SIRT2: variants seen among roughly 807,000 people sequenced by gnomAD.
The protein encoded by SIRT2 is sirtuin 2, also known as NAD-dependent protein deacetylase sirtuin-2.
In SIRT2, 40 loss-of-function variants were observed where a neutral mutation model predicts 57.4. That is an observed-to-expected ratio of 0.70 (90% CI 0.54 to 0.91). The LOEUF (loss-of-function observed/expected upper bound fraction) is 0.91. Ranked by LOEUF, SIRT2 falls within the 40% of genes least tolerant of loss-of-function variation. The pLI, the probability that SIRT2 is intolerant of heterozygous loss-of-function variation, is 0.00. For synonymous variants in SIRT2, 161 were observed against 195.7 expected, an observed-to-expected ratio of 0.82 and a Z score of 1.48; for missense variants, 439 against 510.4, an observed-to-expected ratio of 0.86 and a Z score of 1.35.
At position 38,885,592 on chromosome 19, in the gene SIRT2, A is replaced by ATTT. The variant is rs35779731; in HGVS notation, c.502-1839_502-1837dup. ...CAGGCACCCGCCACCATGCGTGGCT[A>ATTT]TTTTTTTTTTTTTTTTTGAGACGGA... On this transcript the variant is annotated intron_variant, in intron 8 of 15. Coordinates refer to ENST00000249396, the MANE Select transcript of SIRT2 (RefSeq NM_012237.4). 6.5e-4 allele frequency among the ~76,000 whole-genome samples: 80 copies of ATTT among 122,454 alleles called. 1 individual carries two copies. Among genetic ancestry groups the ATTT allele is most frequent in the Admixed American group, 1.2e-3 (13 of 11,172 alleles). 80.3% of individuals were successfully genotyped at this position (122,454 alleles called of 152,430 possible). A position where few individuals can be genotyped will look rare whatever the true frequency, so the allele number is the denominator to read the frequency against.
chr19:38,893,562 G>T, intron 3 of SIRT2, 35 bp from the exon 4 acceptor site: 1 of 1,482,374 alleles, frequency 6.7e-7, no homozygotes, highest in South Asian at 1.1e-5. Context: ...GGCAGGACGG[G>T]CATTCAGCCA....
intron 2 of SIRT2, among the ~76,000 whole-genome samples, chr19:38,895,827 C>CT (rs1180212672): frequency 6.6e-6 from 1 of 152,150 alleles, no homozygotes; most frequent in Non-Finnish European, 1.5e-5. Context: ...AATCCCAACA[C>CT]TTTGGGAGGC....
At chr19:38,895,945 G>A (rs1973702725) in intron 2 of SIRT2, among the ~76,000 whole-genome samples, 1 of 152,158 alleles carries the variant, frequency 6.6e-6, no homozygotes, top group Non-Finnish European at 1.5e-5. Flanking sequence ...GGTGGCACGT[G>A]TCTGTAGTCC....
chr19:38,899,539 C>T lies in SIRT2; in HGVS notation c.-18G>A. On this transcript the variant is annotated 5_prime_UTR_variant, in exon 1 of 16. Transcript: ENST00000249396. Reference sequence around the variant, plus strand: ...TCTGCCATGGGCGCGGTGCTGAAGCCCTTGAGGCTGTCACCGACCGCTCTG... The same window carrying T: ...TCTGCCATGGGCGCGGTGCTGAAGCTCTTGAGGCTGTCACCGACCGCTCTG... 1 of 1,613,830 alleles carries T rather than the reference C, an allele frequency of 6.2e-7. No homozygotes were observed. The highest frequency in any genetic ancestry group is 8.5e-7 in the Non-Finnish European group (1 of 1,179,984).
intron 3 of SIRT2, 38 bp downstream of exon 3, chr19:38,893,781 C>G (rs202052055): frequency 9.9e-6 from 16 of 1,612,186 alleles, no homozygotes; most frequent in Non-Finnish European, 1.2e-5. Flanking sequence ...CCCCGCCCCC[C>G]AGAACCCTGC....
At position 38,880,826 on chromosome 19, in the gene SIRT2, G is replaced by T; in HGVS notation, c.819C>A (p.Ile273=). 6.2e-7 allele frequency: 1 copy of T among 1,613,884 alleles called. No homozygotes were observed. Among genetic ancestry groups the T allele is most frequent in the South Asian group, 1.1e-5 (1 of 91,068 alleles). Residue 273 remains isoleucine (I), a synonymous_variant, in exon 12 of 16, where the codon ATC becomes ATA. Transcript: ENST00000249396. The surrounding 1 kb of genome is among the most constrained non-coding windows in gnomAD (Gnocchi z 4.1). ...AGCCACAGCCCCCAACCTACTTGCT[G>T]ATGAGGGAGGCAAAGGGCTGCACCT... ...SLQVQPFASL[I]SKAPLSTPRL... is the part of the protein sequence containing the mutation.
In SIRT2 at chr19:38,881,094, A is replaced by G; in HGVS notation, c.747+6T>C. The G allele has an allele frequency of 6.2e-7, 1 of 1,612,940 alleles. No individual in the cohort carries two copies. Among genetic ancestry groups the G allele is most frequent in the Non-Finnish European group, 8.5e-7 (1 of 1,179,666 alleles). ...GGGGATGCGGGGAGGCTGGGGGGCC[A>G]CTTACTGACTGCATACAGGAGAAGA... On this transcript the variant is annotated splice_donor_region_variant and intron_variant, in intron 11 of 15. Transcript: ENST00000249396.
chr19:38,889,317 G>C (rs778125201), intron 7 of SIRT2, 162 bp from the exon 8 acceptor site: 1 of 733,644 alleles, frequency 1.4e-6, no homozygotes, highest in South Asian at 1.5e-5. Context: ...GATCACAGAT[G>C]AGGAAACTGA....
intron 2 of SIRT2, among the ~76,000 whole-genome samples, chr19:38,896,240 A>G (rs547531720): frequency 1.3e-5 from 2 of 152,340 alleles, no homozygotes; most frequent in East Asian, 3.9e-4. Flanking sequence ...CCTTATAAAG[A>G]TAACCACTGT....
At chr19:38,898,529 T>TG in intron 1 of SIRT2, 104 bp from the exon 2 acceptor site, 1 of 485,038 alleles carries the variant, frequency 2.1e-6, no homozygotes, top group Non-Finnish European at 3.6e-6. Flanking sequence ...ACCAACCTAG[T>TG]TACACTGGGA....
In SIRT2 at chr19:38,883,660, A is replaced by C; in HGVS notation, c.598T>G (p.Cys200Gly). The change falls in exon 9 of 16, where the codon TGC (cysteine) becomes GGC (glycine). Residue 200 changes from cysteine to glycine, a missense_variant. Coordinates refer to ENST00000249396, the MANE Select transcript of SIRT2 (RefSeq NM_012237.4). ...FYTSHCVSAS[C>G]RHEYPLSWMK... ...CAGCTTAGCGGGTATTCGTGCCGGC[A>C]GCTGGCGCTGACGCAGTGTGATGTG... is the stretch of plus-strand genomic sequence containing the variant. 6.2e-7 allele frequency: 1 copy of C among 1,614,122 alleles called. No individual in the cohort carries two copies. Among genetic ancestry groups the C allele is most frequent in the East Asian group, 2.2e-5 (1 of 44,880 alleles).
chr19:38,885,037 C>A (rs775426404), intron 8 of SIRT2, among the ~76,000 whole-genome samples: 5 of 152,070 alleles, frequency 3.3e-5, no homozygotes, highest in Non-Finnish European at 5.9e-5. Context: ...CTTTAGTAGC[C>A]AGGGTCCTTT....
intron 2 of SIRT2, among the ~76,000 whole-genome samples, chr19:38,897,679 T>C (rs1020538044): frequency 2.0e-5 from 3 of 152,066 alleles, no homozygotes; most frequent in African/African-American, 7.2e-5. Flanking sequence ...CATGCACCAC[T>C]ACACATGGCT....
chr19:38,893,754 C>A (rs928095249), intron 3 of SIRT2, 65 bp downstream of exon 3: 41 of 1,584,916 alleles, frequency 2.6e-5, no homozygotes, highest in Non-Finnish European at 3.5e-5. Flanking sequence ...ATCACCCACA[C>A]CCCTGCCCTG....
rs1362966157 is a variant in SIRT2, at chr19:38,881,196, G to A, written c.692-41C>T. On this transcript the variant is annotated intron_variant, in intron 10 of 15. Coordinates refer to ENST00000249396, the MANE Select transcript of SIRT2 (RefSeq NM_012237.4). ...ATGGACGGACAGAGACAGTGACATG[G>A]GGAGGCAGAGAGGACAGGTGGGAGC... is the stretch of plus-strand genomic sequence containing the variant. 3.1e-6 allele frequency: 5 copies of A among 1,593,710 alleles called. No homozygotes were observed. The East Asian group carries it at 9.0e-5, about 29-fold the overall frequency.
intron 2 of SIRT2, among the ~76,000 whole-genome samples, chr19:38,895,315 C>T (rs1973683802): frequency 6.6e-6 from 1 of 152,172 alleles, no homozygotes; most frequent in South Asian, 2.1e-4. Flanking sequence ...TTCAAAGGCC[C>T]TTCTCTCTGG....
At chr19:38,892,323 G>A (rs1973565904) in intron 4 of SIRT2, among the ~76,000 whole-genome samples, 1 of 151,744 alleles carries the variant, frequency 6.6e-6, no homozygotes, top group South Asian at 2.1e-4. Context: ...TGGAACCCGG[G>A]AGGTGGAGGT....
At position 38,889,960 on chromosome 19, in the gene SIRT2, G is replaced by A. The variant is rs201717531; in HGVS notation, c.270C>T (p.Ser90=). 9.3e-6 allele frequency: 15 copies of A among 1,613,858 alleles called. No individual in the cohort carries two copies. The highest frequency in any genetic ancestry group is 6.6e-5 in the South Asian group (6 of 91,086). ...ICLVGAGIST[S]AGIPDFRSPS... ...GAGAGCGAAAGTCGGGGATGCCTGC[G>A]GCTAGGAAAGGGGGGTCAGGGAGCA... The change falls in exon 6 of 16, where the codon TCC becomes TCT. Residue 90 remains serine, a splice_region_variant and synonymous_variant. Transcript: ENST00000249396.
At chr19:38,881,974 C>G (rs1014097301) in intron 9 of SIRT2, among the ~76,000 whole-genome samples, 5 of 151,100 alleles carry the variant, frequency 3.3e-5, no homozygotes, top group Non-Finnish European at 7.4e-5. Flanking sequence ...CAGGTGTGAG[C>G]CACTGCGCCC....
Sources: gnomAD v4.1 joint callset for allele counts (sites outside exome capture counted in the v4.1 genomes callset) on GRCh38, gnomAD v4.1.1 for gene constraint, Gnocchi (gnomAD v3.1) non-coding constraint, MANE v1.5 for transcripts, NCBI Gene and HGNC (gene_info 2026-07-23, HGNC 2026-07-21) for gene names.